The following DKK2 variants were observed in gnomAD, a reference collection of about 807,000 sequenced individuals.
The protein encoded by DKK2 is dickkopf-related protein 2.
In DKK2, 11 loss-of-function variants were observed where a neutral mutation model predicts 28.1. The ratio of observed to expected loss-of-function variants is 0.39; its 90% CI spans 0.25 to 0.65. The LOEUF (loss-of-function observed/expected upper bound fraction) is 0.65. Ranked by LOEUF, DKK2 falls within the 30% of genes least tolerant of loss-of-function variation. The pLI, the probability that DKK2 is intolerant of heterozygous loss-of-function variation, is 0.47. For synonymous variants in DKK2, 135 were observed against 126.5 expected (o/e 1.07, Z -0.45); for missense variants, 326 against 335.5 (o/e 0.97, Z 0.22).
At chr4:106,948,408 C>A (rs1420875220) in intron 1 of DKK2, among the ~76,000 whole-genome samples, 2 of 152,092 alleles carry the variant, frequency 1.3e-5, no homozygotes, top group Non-Finnish European at 2.9e-5. Flanking sequence ...TTTCCCATTC[C>A]CCTATTCTTT....
At chr4:107,016,290 C>T (rs567194854) in intron 1 of DKK2, among the ~76,000 whole-genome samples, 5 of 151,898 alleles carry the variant, frequency 3.3e-5, no homozygotes, top group Admixed American at 2.0e-4. Flanking sequence ...ACACAGTTAA[C>T]GTGTGGAAAA....
intron 1 of DKK2, among the ~76,000 whole-genome samples, chr4:107,026,519 A>T (rs1169064612): frequency 6.6e-6 from 1 of 152,190 alleles, no homozygotes; most frequent in Non-Finnish European, 1.5e-5. Flanking sequence ...ACAGAGAAAA[A>T]AATGGAAGTA....
At chr4:106,935,014 C>G (rs1724558483) in intron 1 of DKK2, among the ~76,000 whole-genome samples, 1 of 151,962 alleles carries the variant, frequency 6.6e-6, no homozygotes, top group Non-Finnish European at 1.5e-5. Context: ...AAATGATTAC[C>G]TACAGAGTTT....
chr4:106,952,499 G>A (rs906147373), intron 1 of DKK2, among the ~76,000 whole-genome samples: 2 of 152,054 alleles, frequency 1.3e-5, no homozygotes, highest in Non-Finnish European at 2.9e-5. Flanking sequence ...AATCTTCACT[G>A]TGCCTTTCTA....
At chr4:107,029,369 CTA>C (rs1389883231) in intron 1 of DKK2, among the ~76,000 whole-genome samples, 2 of 152,134 alleles carry the variant, frequency 1.3e-5, no homozygotes, top group Non-Finnish European at 2.9e-5. Flanking sequence ...TATAACCTCT[CTA>C]TGTCTCAGGA....
At chr4:106,949,692 T>C (rs1724830324) in intron 1 of DKK2, among the ~76,000 whole-genome samples, 1 of 152,184 alleles carries the variant, frequency 6.6e-6, no homozygotes, top group Non-Finnish European at 1.5e-5. Flanking sequence ...CAGCTTTAAA[T>C]AGTCAGTTTT....
intron 1 of DKK2, among the ~76,000 whole-genome samples, chr4:106,941,491 A>G (rs1421974270): frequency 1.3e-5 from 2 of 152,134 alleles, no homozygotes; most frequent in African/African-American, 4.8e-5. Flanking sequence ...CTATATTTAC[A>G]TAACCTGTAA....
Position 107,033,866 on chromosome 4 carries a change from G to C in DKK2, c.222+1504C>G, listed in dbSNP as rs139718739. 5.6e-3 allele frequency among the ~76,000 whole-genome samples: 851 copies of C among 152,202 alleles called. 5 individuals are homozygous for C. Among genetic ancestry groups the C allele is most frequent in the Non-Finnish European group, 6.9e-3 (471 of 68,004 alleles). Reference sequence around the variant, plus strand: ...GCTATTGAAAATCCTGGGGTGACTCGCAGGAGAGAAAAAGCGAAGGAAAGT... The same window carrying C: ...GCTATTGAAAATCCTGGGGTGACTCCCAGGAGAGAAAAAGCGAAGGAAAGT... On this transcript the variant is annotated intron_variant, in intron 1 of 3. Coordinates refer to ENST00000285311, the MANE Select transcript of DKK2 (RefSeq NM_014421.3).
chr4:107,028,788 A>C (rs1419443728), intron 1 of DKK2, among the ~76,000 whole-genome samples: 3 of 152,236 alleles, frequency 2.0e-5, no homozygotes, highest in African/African-American at 4.8e-5. Context: ...GATGTAAGAC[A>C]TGTCAGCCAA....
At chr4:106,926,632 G>A (rs1264652436) in intron 1 of DKK2, among the ~76,000 whole-genome samples, 1 of 152,134 alleles carries the variant, frequency 6.6e-6, no homozygotes, top group Non-Finnish European at 1.5e-5. Context: ...TTCCCAGGAA[G>A]CACAAAAGCA....
intron 1 of DKK2, among the ~76,000 whole-genome samples, chr4:106,932,762 G>T (rs1724522026): frequency 6.6e-6 from 1 of 152,136 alleles, no homozygotes; most frequent in Non-Finnish European, 1.5e-5. Flanking sequence ...GGAAGAAACT[G>T]CACAATCTTA....
Position 106,922,717 on chromosome 4 carries a change from T to C in DKK2, c.*1237A>G, listed in dbSNP as rs894061140. 1.3e-5 allele frequency: 2 copies of C among 152,162 alleles called. No individual in the cohort carries two copies. The highest frequency in any genetic ancestry group is 3.9e-4 in the East Asian group (2 of 5,192). 9.4% of individuals were successfully genotyped at this position (152,162 alleles called of 1,614,324 possible). A position where few individuals can be genotyped will look rare whatever the true frequency, so the allele number is the denominator to read the frequency against. On this transcript the variant is annotated 3_prime_UTR_variant, in exon 4 of 4. Coordinates refer to ENST00000285311, the MANE Select transcript of DKK2 (RefSeq NM_014421.3). ...CACTATAAAATAAATAATTTGAGGA[T>C]AGTACGGACACAGGACCTCACACTG... is the stretch of plus-strand genomic sequence containing the variant.
At chr4:106,979,826 A>T (rs1722999898) in intron 1 of DKK2, among the ~76,000 whole-genome samples, 1 of 152,230 alleles carries the variant, frequency 6.6e-6, no homozygotes, top group Non-Finnish European at 1.5e-5. Flanking sequence ...TTTCTCATAC[A>T]TCACAGTATC....
chr4:107,003,272 T>A (rs540598497), intron 1 of DKK2, among the ~76,000 whole-genome samples: 94 of 152,320 alleles, frequency 6.2e-4, no homozygotes, highest in African/African-American at 2.2e-3. Flanking sequence ...ACTAGAAGAT[T>A]CCGTCTTTCA....
chr4:106,989,860 G>A (rs1227354297), intron 1 of DKK2, among the ~76,000 whole-genome samples: 1 of 152,132 alleles, frequency 6.6e-6, no homozygotes, highest in East Asian at 1.9e-4. Context: ...AATAGTCAAA[G>A]CCACATAGTA....
At chr4:107,012,763 A>G (rs903944281) in intron 1 of DKK2, among the ~76,000 whole-genome samples, 32 of 151,248 alleles carry the variant, frequency 2.1e-4, no homozygotes, top group Non-Finnish European at 4.3e-4. Context: ...TATGCTCTCT[A>G]TAAATTACTT....
At chr4:106,994,480 A>T (rs539888980) in intron 1 of DKK2, among the ~76,000 whole-genome samples, 3 of 144,934 alleles carry the variant, frequency 2.1e-5, no homozygotes, top group Admixed American at 1.4e-4. Flanking sequence ...TCTCACACAC[A>T]CACATGTACA....
Position 107,027,110 on chromosome 4 carries a change from G to T in DKK2, c.222+8260C>A, listed in dbSNP as rs370173379. On this transcript the variant is annotated intron_variant, in intron 1 of 3. Transcript: ENST00000285311. ...ACTTAGGTATAAGGACTAGACAATA[G>T]GCTGCTGAGAGTACAGAGCATGGTT... 5.9e-5 allele frequency among the ~76,000 whole-genome samples: 9 copies of T among 152,242 alleles called. 1 individual carries two copies. The highest frequency in any genetic ancestry group is 5.9e-4 in the Admixed American group (9 of 15,288).
chr4:106,995,771 C>T (rs1723263541), intron 1 of DKK2, among the ~76,000 whole-genome samples: 1 of 152,144 alleles, frequency 6.6e-6, no homozygotes, highest in Admixed American at 6.5e-5. Flanking sequence ...TCCCACCATG[C>T]CAGGCTAATT....
Sources: gnomAD v4.1 joint callset for allele counts (sites outside exome capture counted in the v4.1 genomes callset) on GRCh38, gnomAD v4.1.1 for gene constraint, MANE v1.5 for transcripts, NCBI Gene and HGNC (gene_info 2026-07-23, HGNC 2026-07-21) for gene names.